Variants in EVA1A observed in about 807,000 individuals in gnomAD.
EVA1A encodes the protein eva-1 homolog A, regulator of programmed cell death.
EVA1A carries 7 observed loss-of-function variants against 9.8 expected under a neutral mutation model. That is an observed-to-expected ratio of 0.71 (90% CI 0.41 to 1.34). EVA1A has a LOEUF of 1.34. Among genes scored for constraint, EVA1A ranks in the 40% most tolerant of loss-of-function variants. EVA1A has a pLI of 0.01. For synonymous variants in EVA1A, 90 were observed against 85.6 expected (o/e 1.05, Z -0.28); for missense variants, 206 against 205.9 (o/e 1.00, Z 0.00).
rs1289809115 is a variant in EVA1A, at chr2:75,560,931, C to G, written c.-443G>C. 1 of 153,050 alleles carries G rather than the reference C, an allele frequency of 6.5e-6. No individual in the cohort carries two copies. Among genetic ancestry groups the G allele is most frequent in the Non-Finnish European group, 1.5e-5 (1 of 68,664 alleles). 9.5% of individuals were successfully genotyped at this position (153,050 alleles called of 1,614,324 possible). On this transcript the variant is annotated 5_prime_UTR_variant, in exon 1 of 4. Coordinates refer to ENST00000393913, the MANE Select transcript of EVA1A (RefSeq NM_001135032.2). ...AAGCCCCGCAGAAGCTGCAGGAGCC[C>G]GAGTCAGTGGGAGGAAAAGGTTGTC... is the stretch of plus-strand genomic sequence containing the variant.
chr2:75,527,813 C>G (rs1049967234), intron 1 of EVA1A, among the ~76,000 whole-genome samples: 3 of 152,058 alleles, frequency 2.0e-5, no homozygotes, highest in Admixed American at 1.3e-4. Flanking sequence ...AATTTTGCTC[C>G]AAGAACCACC....
chr2:75,559,851 T>C (rs1292358028), intron 1 of EVA1A, among the ~76,000 whole-genome samples: 11 of 152,062 alleles, frequency 7.2e-5, no homozygotes, highest in African/African-American at 2.7e-4. Flanking sequence ...TGGCCCCATC[T>C]CATTTTGCCC....
chr2:75,559,903 T>TA (rs1676862753), intron 1 of EVA1A, among the ~76,000 whole-genome samples: 1 of 152,104 alleles, frequency 6.6e-6, no homozygotes, highest in African/African-American at 2.4e-5. Context: ...ACAGGCTTGT[T>TA]ATGAGAACTC....
At chr2:75,504,822 G>C (rs976997650) in intron 3 of EVA1A, among the ~76,000 whole-genome samples, 3 of 152,120 alleles carry the variant, frequency 2.0e-5, no homozygotes. Flanking sequence ...GGGAGGAAGA[G>C]CATTAGAACA....
At chr2:75,541,266 C>A (rs193221511) in intron 1 of EVA1A, among the ~76,000 whole-genome samples, 1 of 152,316 alleles carries the variant, frequency 6.6e-6, no homozygotes, top group East Asian at 1.9e-4. Context: ...TCTTTAAAAA[C>A]CAGTTTTCAG....
intron 2 of EVA1A, among the ~76,000 whole-genome samples, chr2:75,519,376 C>T (rs569628195): frequency 2.0e-5 from 3 of 152,104 alleles, no homozygotes; most frequent in African/African-American, 2.4e-5. Context: ...GCCTGGAGAG[C>T]GGCAGTTCCG....
intron 1 of EVA1A, among the ~76,000 whole-genome samples, chr2:75,537,152 A>G (rs996594831): frequency 2.6e-5 from 4 of 152,232 alleles, no homozygotes; most frequent in African/African-American, 9.6e-5. Flanking sequence ...TTATTTCAAG[A>G]ATGCAAGGCT....
At chr2:75,568,503 T>C (rs1558698826) in intron 1 of EVA1A, among the ~76,000 whole-genome samples, 1 of 152,100 alleles carries the variant, frequency 6.6e-6, no homozygotes, top group South Asian at 2.1e-4. Flanking sequence ...CAGGTGATTT[T>C]TGGTTACATA....
At chr2:75,559,767 G>A (rs1655318908) in intron 1 of EVA1A, among the ~76,000 whole-genome samples, 1 of 151,802 alleles carries the variant, frequency 6.6e-6, no homozygotes. Flanking sequence ...CTGTAGGGCT[G>A]GACTTGAAGT....
At chr2:75,511,705 G>C (rs1047477107) in intron 3 of EVA1A, among the ~76,000 whole-genome samples, 4 of 152,112 alleles carry the variant, frequency 2.6e-5, no homozygotes, top group African/African-American at 9.7e-5. Context: ...CTTGCTACAT[G>C]TCTTTTTATA....
At chr2:75,510,495 G>T (rs999546514) in intron 3 of EVA1A, among the ~76,000 whole-genome samples, 1 of 152,102 alleles carries the variant, frequency 6.6e-6, no homozygotes, top group Admixed American at 6.5e-5. Context: ...ATTAAGTTGT[G>T]GGGGGTGAGG....
Position 75,502,141 on chromosome 2 carries a change from A to C in EVA1A, c.86-8532T>G, listed in dbSNP as rs1028330888. ...AGCATTAAAAGAACTTAATTTAACC[A>C]ATCCATGTTAGTAGGTTAGAAATAA... On this transcript the variant is annotated intron_variant, in intron 3 of 3. Coordinates refer to ENST00000393913, the MANE Select transcript of EVA1A (RefSeq NM_001135032.2). Among the ~76,000 whole-genome samples, 85 of 152,208 alleles carry C rather than the reference A, an allele frequency of 5.6e-4. 5 individuals are homozygous for C.
At chr2:75,562,529 C>T (rs1022622927), upstream of EVA1A, among the ~76,000 whole-genome samples, 1 of 152,200 alleles carries the variant, frequency 6.6e-6, no homozygotes, top group African/African-American at 2.4e-5. Flanking sequence ...TAGAAAGGGC[C>T]CTTGTTTCCT....
intron 1 of EVA1A, among the ~76,000 whole-genome samples, chr2:75,551,902 C>T (rs757548403): frequency 1.3e-4 from 20 of 152,146 alleles, no homozygotes; most frequent in African/African-American, 3.6e-4. Flanking sequence ...GTTTGTGGGC[C>T]GGGCACCGTA....
chr2:75,553,452 A>G (rs763256710), intron 1 of EVA1A, among the ~76,000 whole-genome samples: 9 of 152,190 alleles, frequency 5.9e-5, no homozygotes, highest in Non-Finnish European at 1.2e-4. Context: ...TTGCATTACT[A>G]TCTCTGATTT....
chr2:75,512,284 TACAA>T (rs1202527943), intron 3 of EVA1A, among the ~76,000 whole-genome samples: 1 of 152,118 alleles, frequency 6.6e-6, no homozygotes, highest in African/African-American at 2.4e-5. Flanking sequence ...ATGAGTTCCT[TACAA>T]ACAATTAAAA....
intron 1 of EVA1A, among the ~76,000 whole-genome samples, chr2:75,554,662 TA>T (rs919837664): frequency 6.6e-6 from 1 of 152,322 alleles, no homozygotes; most frequent in African/African-American, 2.4e-5. Context: ...ATTCCTCCTC[TA>T]ATACAGACCT....
At chr2:75,519,248 G>A (rs974589972) in intron 2 of EVA1A, among the ~76,000 whole-genome samples, 1 of 152,200 alleles carries the variant, frequency 6.6e-6, no homozygotes, top group Admixed American at 6.5e-5. Flanking sequence ...ATTCGATGCT[G>A]CTATGAACTC....
chr2:75,507,221 T>C (rs7564143), intron 3 of EVA1A, among the ~76,000 whole-genome samples: 54,428 of 151,986 alleles, frequency 0.36, 9,909 homozygotes, highest in Admixed American at 0.39. Context: ...GACCCAACAA[T>C]CATTGCCAAG....
Sources: gnomAD v4.1 joint callset for allele counts (sites outside exome capture counted in the v4.1 genomes callset) on GRCh38, gnomAD v4.1.1 for gene constraint, MANE v1.5 for transcripts, NCBI Gene and HGNC (gene_info 2026-07-23, HGNC 2026-07-21) for gene names.